Variants in CCNB1IP1 observed in about 807,000 individuals in gnomAD.
CCNB1IP1 encodes the protein cyclin B1 interacting protein 1, also known as E3 ubiquitin-protein ligase CCNB1IP1.
Under a neutral mutation model 25.6 loss-of-function variants are expected in CCNB1IP1, and 14 were observed. The observed-to-expected ratio is 0.55, with a 90% CI of 0.36 to 0.85. The LOEUF (loss-of-function observed/expected upper bound fraction) is 0.85. Ranked by LOEUF, CCNB1IP1 falls within the 40% of genes least tolerant of loss-of-function variation. CCNB1IP1 has a pLI of 0.01. For missense variants in CCNB1IP1, 278 were observed against 342.4 expected, an observed-to-expected ratio of 0.81 and a Z score of 1.48; for synonymous variants, 119 against 116.1, an observed-to-expected ratio of 1.02 and a Z score of -0.16.
intron 4 of CCNB1IP1, among the ~76,000 whole-genome samples, chr14:20,321,655 C>T (rs1882900576): frequency 6.6e-6 from 1 of 152,046 alleles, no homozygotes; most frequent in South Asian, 2.1e-4. Flanking sequence ...GTTTCACCAT[C>T]TTGGCCAGGC....
intron 5 of CCNB1IP1, chr14:20,315,933 AGT>A (rs893580377): frequency 1.6e-5 from 7 of 446,838 alleles, no homozygotes; most frequent in Middle Eastern, 3.3e-4. Flanking sequence ...TAACAATAAA[AGT>A]GTGTGTGTTA....
Position 20,332,026 on chromosome 14 carries a change from A to ATATTTTTTT in CCNB1IP1, c.-431+1227_-431+1228insAAAAAAATA, listed in dbSNP as rs59034398. 5.4e-4 allele frequency among the ~76,000 whole-genome samples: 22 copies of ATATTTTTTT among 40,744 alleles called. 2 individuals are homozygous for ATATTTTTTT. Among genetic ancestry groups the ATATTTTTTT allele is most frequent in the East Asian group, 3.4e-3 (4 of 1,160 alleles). The allele number at this position is 40,744 out of a possible 152,430, so 26.7% of individuals were successfully genotyped here. A position where few individuals can be genotyped will look rare whatever the true frequency, so the allele number is the denominator to read the frequency against. ...TATACATATATATATATATATATAT[A>ATATTTTTTT]TTTTTTTTTTTTTTTTTTTTTTTTT... On this transcript the variant is annotated intron_variant, in intron 1 of 6. Transcript: ENST00000358932.
In CCNB1IP1 at chr14:20,332,287, T is replaced by A. The variant is rs868702453; in HGVS notation, c.-431+967A>T. ...CTACATTCGATTAACTGGTTTATTATTTGTCTTTCTCACACTTTCTGCCTA... is the reference window on the plus strand; with the variant it reads ...CTACATTCGATTAACTGGTTTATTAATTGTCTTTCTCACACTTTCTGCCTA... On this transcript the variant is annotated intron_variant, in intron 1 of 6. Coordinates refer to ENST00000358932, the MANE Select transcript of CCNB1IP1 (RefSeq NM_021178.5). Among the ~76,000 whole-genome samples the A allele has an allele frequency of 3.9e-5, 6 of 152,042 alleles. No homozygotes were observed. In the South Asian group the frequency reaches 6.2e-4, roughly 16 times the overall value.
At chr14:20,316,131 T>TA (rs1159650031) in intron 5 of CCNB1IP1, 96 bp downstream of exon 5, 24 of 1,102,696 alleles carry the variant, frequency 2.2e-5, no homozygotes, top group Non-Finnish European at 3.8e-6. Flanking sequence ...CATATACTCA[T>TA]AAAAAATTAA....
intron 6 of CCNB1IP1, among the ~76,000 whole-genome samples, chr14:20,313,240 T>C (rs1183129962): frequency 6.6e-6 from 1 of 152,200 alleles, no homozygotes; most frequent in Non-Finnish European, 1.5e-5. Context: ...CAAACTTTCA[T>C]TTTGCAGAGA....
intron 4 of CCNB1IP1, among the ~76,000 whole-genome samples, chr14:20,321,546 G>A (rs1044599329): frequency 1.3e-5 from 2 of 151,896 alleles, no homozygotes; most frequent in East Asian, 1.9e-4. Flanking sequence ...TCCGCCTCCC[G>A]GGTTCAAGCA....
At chr14:20,312,635 C>T (rs942152741) in intron 6 of CCNB1IP1, among the ~76,000 whole-genome samples, 5 of 151,682 alleles carry the variant, frequency 3.3e-5, no homozygotes, top group Admixed American at 2.6e-4. Flanking sequence ...AAACAATTTC[C>T]ATTAATAGCA....
At chr14:20,316,121 C>A in intron 5 of CCNB1IP1, 106 bp downstream of exon 5, 1 of 971,754 alleles carries the variant, frequency 1.0e-6, no homozygotes, top group Non-Finnish European at 1.5e-6. Context: ...AAGAGTTTCT[C>A]ATATACTCAT....
intron 5 of CCNB1IP1, chr14:20,315,415 G>T: frequency 1.1e-6 from 1 of 924,266 alleles, no homozygotes; most frequent in Non-Finnish European, 1.3e-6. Flanking sequence ...ACATAAGCCA[G>T]CAAAAACACT....
intron 4 of CCNB1IP1, chr14:20,317,554 TAGGGGGCAGCGGGAAAGCAGAGG>T (rs1243583313): frequency 6.6e-6 from 1 of 151,862 alleles, no homozygotes; most frequent in Non-Finnish European, 1.5e-5. Flanking sequence ...TCCGGCAGAG[TAGGGGGCAGCGGGAAAGCAGAGG>T]AGCTGGGAAG....
chr14:20,325,294 A>G (rs1482187600), intron 4 of CCNB1IP1, among the ~76,000 whole-genome samples: 2 of 151,124 alleles, frequency 1.3e-5, no homozygotes, highest in African/African-American at 4.8e-5. Context: ...AGTGGCGGGC[A>G]ACTGTAGTCC....
rs1479970973 is a variant in CCNB1IP1, at chr14:20,316,404, C to T, written c.120G>A (p.Glu40=). The change falls in exon 5 of 7, where the codon GAG becomes GAA. Residue 40 remains glutamate, a synonymous_variant. Transcript: ENST00000358932. ...HIFCDQHGSG[E]FSRSPAICPA... ...GACAGATAGCTGGTGAGCGACTAAA[C>T]TCACCACTGCCATGCTGATCACAGA... is the stretch of plus-strand genomic sequence containing the variant. The T allele has an allele frequency of 4.3e-6, 7 of 1,613,876 alleles. No homozygotes were observed. The highest frequency in any genetic ancestry group is 1.3e-5 in the African/African-American group (1 of 74,912).
At chr14:20,323,940 A>AG (rs1882983093) in intron 4 of CCNB1IP1, among the ~76,000 whole-genome samples, 1 of 148,336 alleles carries the variant, frequency 6.7e-6, no homozygotes. Flanking sequence ...AAAAAAAAAA[A>AG]GTAAGAACTA....
chr14:20,314,050 CTGAG>C (rs1033107212), intron 5 of CCNB1IP1, among the ~76,000 whole-genome samples: 51 of 152,166 alleles, frequency 3.4e-4, no homozygotes, highest in African/African-American at 1.2e-3. Flanking sequence ...ACCAAAAGAA[CTGAG>C]TATTTGTCTT....
At chr14:20,315,136 C>CAAAAAAAAAAAAAAAAAAAAAAAAAA (rs1159450735) in intron 5 of CCNB1IP1, among the ~76,000 whole-genome samples, 2 of 9,070 alleles carry the variant, frequency 2.2e-4, no homozygotes, top group Non-Finnish European at 4.0e-4. Context: ...TACACCTCAC[C>CAAAAAAAAAAAAAAAAAAAAAAAAAA]AAAAAAAAAA....
intron 5 of CCNB1IP1, chr14:20,315,521 C>A: frequency 8.6e-7 from 1 of 1,166,806 alleles, no homozygotes; most frequent in Non-Finnish European, 1.1e-6. Flanking sequence ...TGACAGATGA[C>A]AAACATCCTT....
chr14:20,332,026 A>ATATATATT (rs59034398), intron 1 of CCNB1IP1, among the ~76,000 whole-genome samples: 14 of 40,748 alleles, frequency 3.4e-4, no homozygotes, highest in African/African-American at 1.0e-3. Flanking sequence ...ATATATATAT[A>ATATATATT]TTTTTTTTTT....
intron 1 of CCNB1IP1, among the ~76,000 whole-genome samples, chr14:20,331,365 T>G (rs534427332): frequency 1.5e-3 from 222 of 152,324 alleles, no homozygotes; most frequent in African/African-American, 5.2e-3. Context: ...CAAAGATATA[T>G]TCACATAAAA....
At chr14:20,311,807 C>A in intron 6 of CCNB1IP1, 55 bp from the exon 7 acceptor site, 1 of 1,183,616 alleles carries the variant, frequency 8.4e-7, no homozygotes, top group South Asian at 1.3e-5. Flanking sequence ...TCTATATAAT[C>A]TACTTCAGAG....
Sources: allele counts gnomAD v4.1 joint callset (sites outside exome capture counted in the v4.1 genomes callset), GRCh38; gene constraint gnomAD v4.1.1; transcripts MANE v1.5; gene names NCBI Gene and HGNC (gene_info 2026-07-23, HGNC 2026-07-21).